Variants in ADGRL3 observed in about 807,000 individuals in gnomAD.
The protein encoded by ADGRL3 is calcium-independent alpha-latrotoxin receptor 3.
In ADGRL3, 62 loss-of-function variants were observed where a neutral mutation model predicts 153.5. The observed-to-expected ratio is 0.40, with a 90% CI of 0.33 to 0.50. The LOEUF is 0.50. ADGRL3 is among the 20% of genes least tolerant of loss of function. The pLI, the probability that ADGRL3 is intolerant of heterozygous loss-of-function variation, is 0.47. For synonymous variants in ADGRL3, 710 were observed against 672.5 expected, an observed-to-expected ratio of 1.06 and a Z score of -0.86; for missense variants, 1,641 against 1,859.4, an observed-to-expected ratio of 0.88 and a Z score of 2.16.
chr4:61,446,968 C>T (rs2097590740), intron 2 of ADGRL3, among the ~76,000 whole-genome samples: 1 of 152,228 alleles, frequency 6.6e-6, no homozygotes, highest in South Asian at 2.1e-4. Flanking sequence ...ATGCATACCC[C>T]TGCTCCAAGT....
intron 5 of ADGRL3, among the ~76,000 whole-genome samples, chr4:61,622,520 ATAAT>A (rs1451173026): frequency 1.3e-5 from 2 of 152,110 alleles, no homozygotes; most frequent in Non-Finnish European, 2.9e-5. Context: ...TGGAATAATA[ATAAT>A]TAAAGTAAAA....
At chr4:61,811,849 G>C (rs552221001) in intron 8 of ADGRL3, among the ~76,000 whole-genome samples, 19 of 152,240 alleles carry the variant, frequency 1.2e-4, no homozygotes, top group Admixed American at 9.2e-4. Context: ...AGGTATGTAT[G>C]AGTGTTTTGT....
intron 1 of ADGRL3, among the ~76,000 whole-genome samples, chr4:61,353,240 T>G (rs1452097920): frequency 6.6e-6 from 1 of 152,200 alleles, no homozygotes; most frequent in African/African-American, 2.4e-5. Flanking sequence ...TGTGTGCATA[T>G]GTATACTCGC....
intron 24 of ADGRL3, among the ~76,000 whole-genome samples, chr4:62,038,191 T>C (rs956193203): frequency 1.3e-5 from 2 of 152,166 alleles, no homozygotes; most frequent in African/African-American, 4.8e-5. Context: ...TATATTGATA[T>C]GATTCTAATT....
chr4:61,201,985 G>GT (rs1367005934), intron 1 of ADGRL3, among the ~76,000 whole-genome samples: 1 of 152,152 alleles, frequency 6.6e-6, no homozygotes, highest in Non-Finnish European at 1.5e-5. Context: ...GCGGGTTGGA[G>GT]TTTTTTCCAG....
At chr4:61,432,677 G>C (rs551764574) in intron 2 of ADGRL3, among the ~76,000 whole-genome samples, 2 of 78,566 alleles carry the variant, frequency 2.5e-5, no homozygotes, top group South Asian at 5.1e-4. Flanking sequence ...TTTTGAGACA[G>C]AATTTCACTC....
intron 6 of ADGRL3, among the ~76,000 whole-genome samples, chr4:61,690,463 A>G (rs887597254): frequency 6.6e-6 from 1 of 152,014 alleles, no homozygotes; most frequent in Admixed American, 6.6e-5. Context: ...AAGTTAAAAA[A>G]CAATCAAAGG....
chr4:61,270,621 G>A (rs1017631937), intron 1 of ADGRL3, among the ~76,000 whole-genome samples: 4 of 151,742 alleles, frequency 2.6e-5, no homozygotes, highest in Non-Finnish European at 5.9e-5. Context: ...AAATGCCGAG[G>A]CAGGAAATTA....
At position 61,821,189 on chromosome 4, in the gene ADGRL3, C is replaced by CAA. The variant is rs34391051; in HGVS notation, c.1480+7317_1480+7318dup. Among the ~76,000 whole-genome samples, 1,073 of 107,712 alleles carry CAA rather than the reference C, an allele frequency of 1.0e-2. 23 individuals carry two copies. The highest frequency in any genetic ancestry group is 0.012 in the Non-Finnish European group (594 of 50,296). The allele number at this position is 107,712 out of a possible 152,430, so 70.7% of individuals were successfully genotyped here. On this transcript the variant is annotated intron_variant, in intron 9 of 26. Coordinates refer to ENST00000683033, the MANE Select transcript of ADGRL3 (RefSeq NM_001387552.1). The stretch of plus-strand genomic sequence containing the variant: ...AGTTAGACAAATTCCTGCCAATTAC[C>CAA]AAAAAAAAAAAAAAAAAAGACATTA...
At chr4:61,242,592 G>A (rs1755441602) in intron 1 of ADGRL3, among the ~76,000 whole-genome samples, 1 of 151,794 alleles carries the variant, frequency 6.6e-6, no homozygotes, top group South Asian at 2.1e-4. Context: ...CCAGTCTTTG[G>A]GTATATCAGT....
At chr4:61,776,111 A>T (rs569508498) in intron 8 of ADGRL3, among the ~76,000 whole-genome samples, 1 of 152,126 alleles carries the variant, frequency 6.6e-6, no homozygotes, top group Non-Finnish European at 1.5e-5. Context: ...TGTGTTAGCC[A>T]GGATGATCTC....
At chr4:61,928,158 A>G (rs1424487961) in intron 13 of ADGRL3, among the ~76,000 whole-genome samples, 2 of 152,048 alleles carry the variant, frequency 1.3e-5, no homozygotes, top group African/African-American at 2.4e-5. Flanking sequence ...AATATAATTT[A>G]TATTACTAGG....
At chr4:61,831,226 A>G (rs2097864347) in intron 9 of ADGRL3, among the ~76,000 whole-genome samples, 9 of 151,886 alleles carry the variant, frequency 5.9e-5, no homozygotes, top group Admixed American at 5.9e-4. Flanking sequence ...AGAGAGGGAG[A>G]ATTTTGATTC....
In ADGRL3 at chr4:62,074,687, T is replaced by G. The variant is rs1746602800; in HGVS notation, c.*3779T>G. On this transcript the variant is annotated 3_prime_UTR_variant, in exon 27 of 27. Coordinates refer to ENST00000683033, the MANE Select transcript of ADGRL3 (RefSeq NM_001387552.1). ...TAACAAAAAGCACGTAAGGGAAATA[T>G]CCTTAACTTCCTGTAAAAAAAATTC... 1 of 152,138 alleles carries G rather than the reference T, an allele frequency of 6.6e-6. No homozygotes were observed. The highest frequency in any genetic ancestry group is 2.1e-4 in the South Asian group (1 of 4,832). 9.4% of individuals were successfully genotyped at this position (152,138 alleles called of 1,614,324 possible). A position where few individuals can be genotyped will look rare whatever the true frequency, so the allele number is the denominator to read the frequency against.
intron 9 of ADGRL3, among the ~76,000 whole-genome samples, chr4:61,862,696 C>A (rs1036591442): frequency 2.0e-5 from 3 of 152,124 alleles, no homozygotes; most frequent in Admixed American, 1.3e-4. Flanking sequence ...CCTCTGGGAA[C>A]TTGTTAGAAC....
chr4:61,947,572 T>A (rs2098930588), intron 16 of ADGRL3, among the ~76,000 whole-genome samples: 1 of 152,216 alleles, frequency 6.6e-6, no homozygotes, highest in Admixed American at 6.5e-5. Flanking sequence ...ACTGTCTACA[T>A]GTATTTCATA....
intron 5 of ADGRL3, among the ~76,000 whole-genome samples, chr4:61,604,848 T>C (rs977835851): frequency 2.0e-5 from 3 of 152,042 alleles, no homozygotes; most frequent in African/African-American, 7.2e-5. Context: ...CCCAGCACTT[T>C]GGGAGGCCGA....
chr4:61,334,803 A>C lies in ADGRL3; in HGVS notation c.-239-48321A>C, dbSNP rs1010936796. 1.3e-4 allele frequency among the ~76,000 whole-genome samples: 20 copies of C among 152,220 alleles called. No individual in the cohort carries two copies. In the South Asian group the frequency reaches 3.1e-3, roughly 24 times the overall value. ...CAAATTCAATTGAGTTATATATGTG[A>C]GACAACTCTGGTGGGATTTTTCTAT... On this transcript the variant is annotated intron_variant, in intron 1 of 26. Coordinates refer to ENST00000683033, the MANE Select transcript of ADGRL3 (RefSeq NM_001387552.1).
chr4:61,717,232 GTGTGTA>G (rs2096138086), intron 6 of ADGRL3, among the ~76,000 whole-genome samples: 4 of 145,680 alleles, frequency 2.7e-5, no homozygotes, highest in South Asian at 4.4e-4. Context: ...GTGTGTGTGT[GTGTGTA>G]TAACAAACCA....
Sources: allele counts gnomAD v4.1 joint callset (sites outside exome capture counted in the v4.1 genomes callset), GRCh38; gene constraint gnomAD v4.1.1; transcripts MANE v1.5; gene names NCBI Gene and HGNC (gene_info 2026-07-23, HGNC 2026-07-21).